Variants in CPLANE1 observed in about 807,000 individuals in gnomAD.
CPLANE1 encodes the protein ciliogenesis and planar polarity effector 1.
In CPLANE1, 263 loss-of-function variants were observed where a neutral mutation model predicts 362.5. That is an observed-to-expected ratio of 0.73 (90% CI 0.66 to 0.80). The LOEUF is 0.80. Among genes scored for constraint, CPLANE1 ranks in the 30% least tolerant of loss-of-function variants. CPLANE1 has a pLI of 0.00. For missense variants in CPLANE1, 3,461 were observed against 3,793.4 expected (o/e 0.91, Z 2.30); for synonymous variants, 1,212 against 1,302.6 (o/e 0.93, Z 1.50).
At chr5:37,246,460 T>G (rs1244835128) in intron 2 of CPLANE1, 1 of 152,160 alleles carries the variant, frequency 6.6e-6, no homozygotes, top group Non-Finnish European at 1.5e-5. Flanking sequence ...GGACCACAGG[T>G]GCATACCACT....
intron 30 of CPLANE1, 139 bp from the exon 31 acceptor site, chr5:37,176,125 G>C (rs1330762812): frequency 1.0e-5 from 6 of 578,142 alleles, no homozygotes; most frequent in Non-Finnish European, 1.5e-5. Flanking sequence ...ATTACAATCT[G>C]TTTACATTTG....
At chr5:37,117,478 A>C (rs953680579) in intron 50 of CPLANE1, among the ~76,000 whole-genome samples, 1 of 152,110 alleles carries the variant, frequency 6.6e-6, no homozygotes, top group African/African-American at 2.4e-5. Flanking sequence ...CTCAATTTAG[A>C]AATGAGAATG....
At chr5:37,221,893 A>G (rs1795432014) in intron 14 of CPLANE1, among the ~76,000 whole-genome samples, 1 of 152,188 alleles carries the variant, frequency 6.6e-6, no homozygotes, top group South Asian at 2.1e-4. Flanking sequence ...AGAAAGCTGC[A>G]AATTCTTATC....
intron 51 of CPLANE1, among the ~76,000 whole-genome samples, chr5:37,110,100 G>A (rs1056592284): frequency 9.2e-5 from 14 of 151,748 alleles, no homozygotes; most frequent in East Asian, 3.9e-4. Flanking sequence ...CTTGTATGCC[G>A]TCTTCTGTTC....
rs544738947 is a variant in CPLANE1 at position 37,246,886 on chromosome 5, A to G, written c.81+732T>C. Among the ~76,000 whole-genome samples, 17 of 152,256 alleles carry G rather than the reference A, an allele frequency of 1.1e-4. No individual in the cohort carries two copies. The East Asian group carries it at 2.7e-3, about 24-fold the overall frequency. On this transcript the variant is annotated intron_variant, in intron 2 of 52. Transcript: ENST00000651892. Reference sequence around the variant, plus strand: ...GGATGCCATTGCGTCCAGCCTGGGCAACAGAGCGAGACTCCATCTCAAAAA... The same window carrying G: ...GGATGCCATTGCGTCCAGCCTGGGCGACAGAGCGAGACTCCATCTCAAAAA...
the CPLANE1 span, among the ~76,000 whole-genome samples, chr5:37,086,812 C>A: frequency 6.6e-6 from 1 of 152,208 alleles, no homozygotes; most frequent in African/African-American, 2.4e-5. Context: ...AGCATAATAT[C>A]TGTGTCAGTG....
intron 41 of CPLANE1, among the ~76,000 whole-genome samples, chr5:37,155,757 T>G (rs1411029090): frequency 1.3e-5 from 2 of 152,258 alleles, no homozygotes; most frequent in Non-Finnish European, 2.9e-5. Flanking sequence ...GAAATTAATC[T>G]GTAGCTTATG....
chr5:37,187,434 CTCCAATAAGGCTCA>C lies in CPLANE1; in HGVS notation c.4046_4059del (p.Leu1349Ter). On this transcript the variant is annotated frameshift_variant, in exon 23 of 53. Transcript: ENST00000651892. ...ATTACCTTTCTGATTGGTGGCAGTT[CTCCAATAAGGCTCA>C]AAATTATATCCTGAATAAGTTCTTC... is the stretch of plus-strand genomic sequence containing the variant. 6.2e-7 allele frequency: 1 copy of C among 1,611,842 alleles called. No individual in the cohort carries two copies.
chr5:37,150,779 A>C (rs753189227), intron 42 of CPLANE1, among the ~76,000 whole-genome samples: 4 of 152,246 alleles, frequency 2.6e-5, no homozygotes, highest in Admixed American at 2.6e-4. Flanking sequence ...AGCTAGCAGC[A>C]TAAGAATCAT....
Position 37,227,233 on chromosome 5 carries a change from T to C in CPLANE1, c.1521+10A>G. On this transcript the variant is annotated intron_variant, in intron 11 of 52. Coordinates refer to ENST00000651892, the MANE Select transcript of CPLANE1 (RefSeq NM_001384732.1). ...TTGTTCCAAGTAAATAAAATTCTGCTGCTAAGTACCTGAAAATCTGCTGCA... is the reference window on the plus strand; with the variant it reads ...TTGTTCCAAGTAAATAAAATTCTGCCGCTAAGTACCTGAAAATCTGCTGCA... 6.5e-7 allele frequency: 1 copy of C among 1,547,358 alleles called. No individual in the cohort carries two copies. The highest frequency in any genetic ancestry group is 8.7e-7 in the Non-Finnish European group (1 of 1,144,990).
chr5:37,164,097 GT>G (rs905885984), intron 37 of CPLANE1, among the ~76,000 whole-genome samples, 175 bp downstream of exon 37: 4 of 152,170 alleles, frequency 2.6e-5, no homozygotes, highest in Non-Finnish European at 5.9e-5. Flanking sequence ...CCCAATTTCT[GT>G]GGGTTTTCTA....
chr5:37,213,656 G>A lies in CPLANE1; in HGVS notation c.2823C>T (p.Ser941=), dbSNP rs143553355. Residue 941 remains serine, a synonymous_variant, in exon 16 of 53, where the codon TCC becomes TCT. Transcript: ENST00000651892. The part of the protein sequence containing the change: ...HPEAAVRVVQ[S]MARFMAAYFT... ...AATAGGCAGCCATGAAACGAGCCAT[G>A]GACTGGACGACTCTCACTGCTGCCT... is the stretch of plus-strand genomic sequence containing the variant. 8.4e-6 allele frequency: 13 copies of A among 1,545,316 alleles called. No homozygotes were observed. The highest frequency in any genetic ancestry group is 8.2e-5 in the African/African-American group (6 of 73,008).
At chr5:37,165,500 A>G in intron 36 of CPLANE1, 39 bp downstream of exon 36, 3 of 1,600,174 alleles carry the variant, frequency 1.9e-6, no homozygotes, top group Non-Finnish European at 2.6e-6. Context: ...CTCAGTGTAC[A>G]TGCAAACCAG....
intron 32 of CPLANE1, among the ~76,000 whole-genome samples, chr5:37,171,066 A>G (rs1316756753): frequency 6.6e-6 from 1 of 152,204 alleles, no homozygotes; most frequent in Non-Finnish European, 1.5e-5. Flanking sequence ...GTAGTCAGAC[A>G]CCAGTTGTCC....
In CPLANE1 at chr5:37,205,407, T is replaced by C. The variant is rs369082275; in HGVS notation, c.3197A>G (p.Gln1066Arg). The C allele has an allele frequency of 1.3e-6, 2 of 1,550,504 alleles. No individual in the cohort carries two copies. Among genetic ancestry groups the C allele is most frequent in the South Asian group, 2.4e-5 (2 of 83,844 alleles). ...ACACTGCAGTTTTTCCTGAAAAATC[T>C]GTGCTGGAGTCATACGGAGTGGTAG... Reference protein sequence around the residue: ...LNLPLRMTPAQIFQEKLQCVL... With the variant: ...LNLPLRMTPARIFQEKLQCVL... Residue 1066 changes from glutamine to arginine, a missense_variant, in exon 18 of 53, where the codon CAG (glutamine) becomes CGG (arginine). Transcript: ENST00000651892.
chr5:37,162,621 G>C (rs1777125849), intron 37 of CPLANE1, 55 bp from the exon 38 acceptor site: 1 of 1,218,086 alleles, frequency 8.2e-7, no homozygotes, highest in Admixed American at 1.7e-5. Context: ...AGATTACCAG[G>C]AGCCCAGCAG....
rs1332588727 is a variant in CPLANE1 at position 37,148,173 on chromosome 5, C to T, written c.8461+8G>A. The stretch of plus-strand genomic sequence containing the variant: ...GACTTCAGCCAGCCCCTATCAGCCC[C>T]TACAAACCTTCTTCAGAAATGCTAA... On this transcript the variant is annotated splice_region_variant and intron_variant, in intron 43 of 52. Transcript: ENST00000651892. 4.3e-6 allele frequency: 7 copies of T among 1,609,664 alleles called. No homozygotes were observed. In the Admixed American group the frequency reaches 6.7e-5, roughly 15 times the overall value.
intron 35 of CPLANE1, 38 bp from the exon 36 acceptor site, chr5:37,165,709 T>TA (rs1398068633): frequency 6.5e-7 from 1 of 1,547,330 alleles, no homozygotes; most frequent in African/African-American, 1.4e-5. Context: ...CTTTTACAAC[T>TA]ATAGCAACAT....
Position 37,175,892 on chromosome 5 carries a change from T to G in CPLANE1, c.5978+17A>C. On this transcript the variant is annotated intron_variant, in intron 31 of 52. Transcript: ENST00000651892. ...ACACAACTATTTTTAAATGGTATAG[T>G]AGGCAAAACTTCTTACCTAGAAATT... 2.5e-6 allele frequency: 4 copies of G among 1,570,236 alleles called. No individual in the cohort carries two copies. The highest frequency in any genetic ancestry group is 3.5e-6 in the Non-Finnish European group (4 of 1,141,082).
Sources: allele counts gnomAD v4.1 joint callset (sites outside exome capture counted in the v4.1 genomes callset), GRCh38; gene constraint gnomAD v4.1.1; transcripts MANE v1.5; gene names NCBI Gene and HGNC (gene_info 2026-07-23, HGNC 2026-07-21).